The following SUGCT variants were observed in gnomAD, a reference collection of about 807,000 sequenced individuals.
SUGCT encodes the protein succinyl-CoA:glutarate-CoA transferase, also known as succinyl-CoA:glutarate CoA-transferase.
SUGCT carries 41 observed loss-of-function variants against 55.0 expected under a neutral mutation model. That is an observed-to-expected ratio of 0.74 (90% CI 0.58 to 0.97). The LOEUF is 0.97. Among genes scored for constraint, SUGCT ranks in the 50% least tolerant of loss-of-function variants. The probability of loss-of-function intolerance (pLI) is 0.00; values close to 1 mark genes in which losing one functional copy is unlikely to be tolerated. For missense variants in SUGCT, 568 were observed against 547.8 expected (o/e 1.04, Z -0.37); for synonymous variants, 187 against 200.4 (o/e 0.93, Z 0.56).
chr7:40,745,526 A>G (rs1166351499), intron 12 of SUGCT, among the ~76,000 whole-genome samples: 1 of 152,202 alleles, frequency 6.6e-6, no homozygotes, highest in Non-Finnish European at 1.5e-5. Context: ...GTCAATCTGT[A>G]AAACGCTTGA....
chr7:40,260,493 A>G (rs1221803360), intron 7 of SUGCT, among the ~76,000 whole-genome samples: 2 of 152,336 alleles, frequency 1.3e-5, no homozygotes, highest in Admixed American at 6.5e-5. Flanking sequence ...TCTTTAAGCT[A>G]CACGCTTAAA....
intron 8 of SUGCT, among the ~76,000 whole-genome samples, chr7:40,294,929 G>A (rs754857910): frequency 3.7e-4 from 56 of 152,294 alleles, no homozygotes; most frequent in Admixed American, 5.2e-4. Context: ...AATATGCTGC[G>A]CAAAAAGCTT....
chr7:40,626,345 C>T (rs552899200), intron 12 of SUGCT, among the ~76,000 whole-genome samples: 120 of 151,940 alleles, frequency 7.9e-4, no homozygotes, highest in African/African-American at 2.7e-3. Context: ...CAACCTCCGC[C>T]TCCCAGGTTC....
At chr7:40,492,376 G>T (rs1237114941) in intron 11 of SUGCT, among the ~76,000 whole-genome samples, 1 of 152,082 alleles carries the variant, frequency 6.6e-6, no homozygotes, top group East Asian at 1.9e-4. Flanking sequence ...AGCGTATGTT[G>T]CCTCCTGTCA....
At chr7:40,305,573 C>CT (rs1794806765) in intron 8 of SUGCT, among the ~76,000 whole-genome samples, 1 of 152,128 alleles carries the variant, frequency 6.6e-6, no homozygotes, top group African/African-American at 2.4e-5. Flanking sequence ...TCCTCTTCTA[C>CT]TTTTTTTCTC....
rs868513362 is a variant in SUGCT at position 40,237,501 on chromosome 7, A to C, written c.485-134A>C. On this transcript the variant is annotated intron_variant, in intron 6 of 13. Coordinates refer to ENST00000335693, the MANE Select transcript of SUGCT (RefSeq NM_001193313.2). ...ATAATGAATTCTTACTGCCTTCTTCAAGGAATGGTATAGATCTAATAGTCT... is the reference window on the plus strand; with the variant it reads ...ATAATGAATTCTTACTGCCTTCTTCCAGGAATGGTATAGATCTAATAGTCT... The C allele has an allele frequency of 1.2e-4, 80 of 680,528 alleles. No individual in the cohort carries two copies. In the African/African-American group the frequency reaches 1.2e-3, roughly 10 times the overall value. 42.2% of individuals were successfully genotyped at this position (680,528 alleles called of 1,614,324 possible).
chr7:41,018,422 G>T, the SUGCT span, among the ~76,000 whole-genome samples: 97 of 152,290 alleles, frequency 6.4e-4, no homozygotes, highest in Non-Finnish European at 1.0e-3. Context: ...TGGAGGGAAA[G>T]GTGAGGAAGC....
At chr7:40,154,476 G>A (rs1427671364) in intron 1 of SUGCT, among the ~76,000 whole-genome samples, 3 of 151,838 alleles carry the variant, frequency 2.0e-5, no homozygotes, top group Non-Finnish European at 2.9e-5. Flanking sequence ...GGTGTAGAAC[G>A]TTTTATTTTC....
intron 13 of SUGCT, among the ~76,000 whole-genome samples, chr7:40,832,432 C>T (rs988885701): frequency 4.6e-5 from 7 of 152,100 alleles, no homozygotes; most frequent in South Asian, 2.1e-4. Context: ...TAATAGGACA[C>T]ATGTTCTCCC....
At chr7:40,549,396 T>C (rs1795181820) in intron 12 of SUGCT, among the ~76,000 whole-genome samples, 2 of 152,214 alleles carry the variant, frequency 1.3e-5, no homozygotes, top group South Asian at 2.1e-4. Flanking sequence ...CTGAATTTAG[T>C]TGAATGTCAA....
At chr7:40,943,133 T>C in the SUGCT span, among the ~76,000 whole-genome samples, 34 of 152,092 alleles carry the variant, frequency 2.2e-4, no homozygotes, top group African/African-American at 7.0e-4. Flanking sequence ...TACAGAACCC[T>C]GTTTTGTCAT....
intron 12 of SUGCT, among the ~76,000 whole-genome samples, chr7:40,621,134 A>C (rs11973745): frequency 0.025 from 3,824 of 152,262 alleles, 156 homozygotes; most frequent in African/African-American, 0.089. Context: ...TGCATACAGA[A>C]TACAAATATT....
intron 13 of SUGCT, among the ~76,000 whole-genome samples, chr7:40,798,746 GAT>G (rs35927386): frequency 0.4 from 60,619 of 151,916 alleles, 12,886 homozygotes; most frequent in Middle Eastern, 0.57. Flanking sequence ...TGCAGGAAGT[GAT>G]ATATTTACCT....
intron 12 of SUGCT, among the ~76,000 whole-genome samples, chr7:40,566,834 A>G (rs1796182909): frequency 6.6e-6 from 1 of 152,168 alleles, no homozygotes; most frequent in Non-Finnish European, 1.5e-5. Context: ...CTATATTTAT[A>G]TCTATAGTTT....
At chr7:40,710,322 G>A (rs995593332) in intron 12 of SUGCT, among the ~76,000 whole-genome samples, 1 of 152,116 alleles carries the variant, frequency 6.6e-6, no homozygotes, top group South Asian at 2.1e-4. Context: ...TACTTACTGA[G>A]AAGCCATTTG....
At chr7:40,208,594 G>A (rs1055881182) in intron 6 of SUGCT, among the ~76,000 whole-genome samples, 1 of 151,898 alleles carries the variant, frequency 6.6e-6, no homozygotes, top group Non-Finnish European at 1.5e-5. Flanking sequence ...GCCCAGGCTG[G>A]AGTGCAGTGG....
chr7:40,248,216 G>C (rs1324458443), intron 7 of SUGCT, among the ~76,000 whole-genome samples: 1 of 152,028 alleles, frequency 6.6e-6, no homozygotes, highest in South Asian at 2.1e-4. Flanking sequence ...TCTCCATGTT[G>C]GTCAGGCTGG....
chr7:40,239,480 A>C (rs983622477), intron 7 of SUGCT, among the ~76,000 whole-genome samples: 1 of 152,236 alleles, frequency 6.6e-6, no homozygotes, highest in Non-Finnish European at 1.5e-5. Context: ...TCATGTGGCC[A>C]AGACATTCTT....
At chr7:40,265,911 C>T (rs1239900164) in intron 7 of SUGCT, among the ~76,000 whole-genome samples, 1 of 151,902 alleles carries the variant, frequency 6.6e-6, no homozygotes, top group Admixed American at 6.6e-5. Context: ...AGATCACGCC[C>T]CTGCACTGCA....
Sources: gnomAD v4.1 joint callset for allele counts (sites outside exome capture counted in the v4.1 genomes callset) on GRCh38, gnomAD v4.1.1 for gene constraint, MANE v1.5 for transcripts, NCBI Gene and HGNC (gene_info 2026-07-23, HGNC 2026-07-21) for gene names.